The following MIX23 variants were observed in gnomAD, a reference collection of about 807,000 sequenced individuals.
MIX23 encodes protein MIX23.
A neutral mutation model predicts 21.6 loss-of-function variants in MIX23; 13 were observed. The observed-to-expected ratio is 0.60, with a 90% CI of 0.39 to 0.96. The LOEUF is 0.96. MIX23 is among the 40% of genes least tolerant of loss of function. The probability of loss-of-function intolerance (pLI) is 0.00; values close to 1 mark genes in which losing one functional copy is unlikely to be tolerated. For synonymous variants in MIX23, 59 were observed against 58.0 expected, an observed-to-expected ratio of 1.02 and a Z score of -0.08; for missense variants, 144 against 171.2, an observed-to-expected ratio of 0.84 and a Z score of 0.89.
chr3:122,372,176 G>C (rs1407895478), intron 1 of MIX23, among the ~76,000 whole-genome samples: 1 of 128,712 alleles, frequency 7.8e-6, no homozygotes, highest in Non-Finnish European at 1.5e-5. Context: ...AGTAACCATA[G>C]CTCATATGTT....
At chr3:122,372,224 C>CAAAAAAAAAAAAAAAAAAAAA (rs55800173) in intron 1 of MIX23, among the ~76,000 whole-genome samples, 1 of 46,104 alleles carries the variant, frequency 2.2e-5, no homozygotes, top group East Asian at 6.4e-4. Context: ...CTCCAACTCT[C>CAAAAAAAAAAAAAAAAAAAAA]AAAAAAAAAA....
intron 1 of MIX23, among the ~76,000 whole-genome samples, chr3:122,377,798 TG>T (rs1440566006): frequency 1.3e-5 from 2 of 152,126 alleles, no homozygotes; most frequent in Non-Finnish European, 2.9e-5. Flanking sequence ...CGGTTACCTA[TG>T]ATGTGCCACT....
chr3:122,382,221 G>A (rs537912348), intron 1 of MIX23, among the ~76,000 whole-genome samples: 1 of 152,214 alleles, frequency 6.6e-6, no homozygotes, highest in Non-Finnish European at 1.5e-5. Flanking sequence ...TAGGCCGGGC[G>A]TGGTGACTCA....
intron 3 of MIX23, 45 bp from the exon 4 acceptor site, chr3:122,363,072 G>A (rs2075371385): frequency 2.0e-6 from 3 of 1,499,630 alleles, no homozygotes; most frequent in East Asian, 2.3e-5. Context: ...TAAAGAGCAA[G>A]AAAAAAAACT....
chr3:122,365,011 T>C (rs1243255365), intron 3 of MIX23, among the ~76,000 whole-genome samples: 2 of 152,208 alleles, frequency 1.3e-5, no homozygotes, highest in Non-Finnish European at 2.9e-5. Context: ...TTCTACAACA[T>C]TGCAGATATT....
chr3:122,380,051 T>A (rs1322705948), intron 1 of MIX23, among the ~76,000 whole-genome samples: 1 of 152,228 alleles, frequency 6.6e-6, no homozygotes, highest in Non-Finnish European at 1.5e-5. Context: ...GCCCCTACAA[T>A]TATACTATAG....
At chr3:122,377,343 A>G (rs2075495934) in intron 1 of MIX23, among the ~76,000 whole-genome samples, 1 of 152,198 alleles carries the variant, frequency 6.6e-6, no homozygotes, top group African/African-American at 2.4e-5. Context: ...CCAGTCTGAC[A>G]CTGATCGGGG....
chr3:122,367,324 CT>C (rs1559990483), intron 3 of MIX23, among the ~76,000 whole-genome samples: 5 of 152,198 alleles, frequency 3.3e-5, no homozygotes, highest in East Asian at 1.9e-4. Context: ...AAGTTACCCC[CT>C]AAGAGTCCCC....
intron 1 of MIX23, among the ~76,000 whole-genome samples, chr3:122,373,676 T>C (rs1454307166): frequency 6.6e-6 from 1 of 152,202 alleles, no homozygotes; most frequent in Non-Finnish European, 1.5e-5. Flanking sequence ...TTTCCAATTA[T>C]AAACCATTTA....
intron 3 of MIX23, among the ~76,000 whole-genome samples, chr3:122,366,999 T>C (rs1365240912): frequency 6.6e-6 from 1 of 152,188 alleles, no homozygotes; most frequent in African/African-American, 2.4e-5. Flanking sequence ...GAAAAGTCCC[T>C]GTTCTTAGAA....
chr3:122,380,343 G>A lies in MIX23; in HGVS notation c.51+2831C>T, dbSNP rs76039534. On this transcript the variant is annotated intron_variant, in intron 1 of 4. Transcript: ENST00000291458. ...TCTATTTTTACATCAAAGCTCCCAC[G>A]GTGCTTCCCCCAAACCAGAAACACA... 4.8e-3 allele frequency among the ~76,000 whole-genome samples: 725 copies of A among 152,100 alleles called. 6 individuals carry two copies. The highest frequency in any genetic ancestry group is 0.017 in the African/African-American group (701 of 41,478).
chr3:122,361,764 TATC>T (rs1277238834), intron 4 of MIX23, among the ~76,000 whole-genome samples: 3 of 152,170 alleles, frequency 2.0e-5, no homozygotes, highest in Non-Finnish European at 4.4e-5. Context: ...ACAGACACCT[TATC>T]ATGTTGGTGG....
intron 2 of MIX23, among the ~76,000 whole-genome samples, chr3:122,370,456 CAAAAAAAAA>C (rs10660235): frequency 1.2e-4 from 6 of 48,270 alleles, no homozygotes; most frequent in East Asian, 6.2e-4. Flanking sequence ...GACACTGTCT[CAAAAAAAAA>C]AAAAAAAAAA....
intron 1 of MIX23, 36 bp from the exon 2 acceptor site, chr3:122,371,836 T>C (rs1444993019): frequency 6.6e-7 from 1 of 1,515,598 alleles, no homozygotes; most frequent in East Asian, 2.3e-5. Flanking sequence ...ATAACCCAAA[T>C]GGAAAGTTAG....
chr3:122,365,647 G>A (rs2075391359), intron 3 of MIX23: 1 of 152,018 alleles, frequency 6.6e-6, no homozygotes, highest in Non-Finnish European at 1.5e-5. Context: ...AAGACACAAG[G>A]GCAGATCTCA....
intron 3 of MIX23, 37 bp downstream of exon 3, chr3:122,368,139 A>C: frequency 6.2e-7 from 1 of 1,603,396 alleles, no homozygotes. Flanking sequence ...CAATTGGAAA[A>C]ACTTTGCCTG....
At chr3:122,369,693 T>TA (rs2075424918) in intron 2 of MIX23, among the ~76,000 whole-genome samples, 1 of 152,124 alleles carries the variant, frequency 6.6e-6, no homozygotes, top group Admixed American at 6.5e-5. Context: ...AACAAGGAGA[T>TA]AAAAAACAAC....
At chr3:122,372,093 A>G (rs2075445752) in intron 1 of MIX23, among the ~76,000 whole-genome samples, 2 of 152,184 alleles carry the variant, frequency 1.3e-5, no homozygotes, top group African/African-American at 4.8e-5. Flanking sequence ...CACGGTGTTT[A>G]GCAAACAGTG....
At chr3:122,382,901 A>G (rs761954454) in intron 1 of MIX23, among the ~76,000 whole-genome samples, 50 of 152,362 alleles carry the variant, frequency 3.3e-4, no homozygotes, top group Non-Finnish European at 5.1e-4. Context: ...TTATCCACGC[A>G]TCCCGAGCTT....
Sources: allele counts gnomAD v4.1 joint callset (sites outside exome capture counted in the v4.1 genomes callset), GRCh38; gene constraint gnomAD v4.1.1; transcripts MANE v1.5; gene names NCBI Gene and HGNC (gene_info 2026-07-23, HGNC 2026-07-21).